Variants in ATP10D observed in about 807,000 individuals in gnomAD.
The protein encoded by ATP10D is ATPase phospholipid transporting 10D (putative).
A neutral mutation model predicts 144.8 loss-of-function variants in ATP10D; 89 were observed. That is an observed-to-expected ratio of 0.61 (90% confidence interval 0.52 to 0.73). The LOEUF is 0.73. Ranked by LOEUF, ATP10D falls within the 30% of genes least tolerant of loss-of-function variation. The pLI is 0.00. For missense variants in ATP10D, 1,603 were observed against 1,714.8 expected (o/e 0.93, Z 1.15); for synonymous variants, 571 against 615.1 (o/e 0.93, Z 1.06).
chr4:47,573,134 T>A, intron 18 of ATP10D, 137 bp downstream of exon 18: 2 of 1,109,264 alleles, frequency 1.8e-6, no homozygotes, highest in Non-Finnish European at 2.6e-6. Flanking sequence ...CTGGTCTTGC[T>A]GTCTTTCCAG....
intron 4 of ATP10D, 54 bp downstream of exon 4, chr4:47,523,270 A>AGCTCAGTCATCTT: frequency 2.1e-6 from 3 of 1,405,606 alleles, no homozygotes; most frequent in Non-Finnish European, 3.0e-6. Context: ...TCAGAAGATG[A>AGCTCAGTCATCTT]CTGAGCTCAT....
At chr4:47,582,167 A>G (rs1720552440) in intron 21 of ATP10D, 103 bp downstream of exon 21, 2 of 942,584 alleles carry the variant, frequency 2.1e-6, no homozygotes. Flanking sequence ...TGAGAAGAGT[A>G]ATGAATCTAT....
In ATP10D at chr4:47,568,993, C is replaced by T; in HGVS notation, c.3010C>T (p.Leu1004=). The change falls in exon 16 of 23, where the codon CTG becomes TTG. Residue 1004 remains leucine (L), a synonymous_variant. Transcript: ENST00000273859. ...TGGACTCATTATCACTGGGAAGACC[C>T]TGGAGTTTGCCCTGCAAGAAAGTCT... ...RAGLIITGKT[L]EFALQESLQK... 1 of 1,614,202 alleles carries T rather than the reference C, an allele frequency of 6.2e-7. No individual in the cohort carries two copies. Among genetic ancestry groups the T allele is most frequent in the Non-Finnish European group, 8.5e-7 (1 of 1,180,026 alleles).
chr4:47,566,137 A>C (rs1021882853), intron 15 of ATP10D, among the ~76,000 whole-genome samples: 1 of 152,238 alleles, frequency 6.6e-6, no homozygotes, highest in Non-Finnish European at 1.5e-5. Flanking sequence ...CATTCTAAGC[A>C]GGCAATGTGG....
In ATP10D at chr4:47,569,083, C is replaced by T. The variant is rs76283310; in HGVS notation, c.3100C>T (p.Leu1034=). Residue 1034 remains leucine (L), a synonymous_variant, in exon 16 of 23, where the codon CTG becomes TTG. Transcript: ENST00000273859. The part of the protein sequence containing the change: ...QAVVCCRATP[L]QKSEVVKLVR... ...TGTGGTCTGCTGCCGAGCCACACCGCTGCAGAAAAGTGAAGTGGTGAAATT... is the reference window on the plus strand; with the variant it reads ...TGTGGTCTGCTGCCGAGCCACACCGTTGCAGAAAAGTGAAGTGGTGAAATT... 14,006 of 1,614,220 alleles carry T rather than the reference C, an allele frequency of 8.7e-3. 94 individuals are homozygous for T. Among genetic ancestry groups the T allele is most frequent in the South Asian group, 0.017 (1,548 of 91,090 alleles).
At position 47,559,046 on chromosome 4, in the gene ATP10D, C is replaced by T. The variant is rs200423126; in HGVS notation, c.2541+17C>T. Reference sequence around the variant, plus strand: ...GCAAAGAAGGTGAGACTGCTTAGTGCGCTCCATCTTTTTTGTTTTTTCCCT... The same window carrying T: ...GCAAAGAAGGTGAGACTGCTTAGTGTGCTCCATCTTTTTTGTTTTTTCCCT... On this transcript the variant is annotated intron_variant, in intron 13 of 22. Coordinates refer to ENST00000273859, the MANE Select transcript of ATP10D (RefSeq NM_020453.4). 64 of 1,586,496 alleles carry T rather than the reference C, an allele frequency of 4.0e-5. No homozygotes were observed. The highest frequency in any genetic ancestry group is 1.9e-4 in the Admixed American group (11 of 58,772).
At chr4:47,540,680 AG>A (rs946770130) in intron 9 of ATP10D, among the ~76,000 whole-genome samples, 4 of 152,180 alleles carry the variant, frequency 2.6e-5, no homozygotes, top group Non-Finnish European at 5.9e-5. Context: ...ATTTGAGATA[AG>A]TAATGAACAA....
At chr4:47,488,845 T>C (rs1368826502) in intron 1 of ATP10D, among the ~76,000 whole-genome samples, 1 of 152,152 alleles carries the variant, frequency 6.6e-6, no homozygotes, top group African/African-American at 2.4e-5. Flanking sequence ...ATTAGTGCCC[T>C]CATAAAAGAG....
intron 10 of ATP10D, among the ~76,000 whole-genome samples, chr4:47,553,460 C>A (rs549359923): frequency 6.6e-6 from 1 of 152,274 alleles, no homozygotes; most frequent in South Asian, 2.1e-4. Context: ...AGTCTGGAAG[C>A]CAGGTGAGAC....
chr4:47,495,627 T>C (rs548344536), intron 1 of ATP10D, among the ~76,000 whole-genome samples: 1 of 152,350 alleles, frequency 6.6e-6, no homozygotes, highest in Admixed American at 6.5e-5. Flanking sequence ...CATGTTTATA[T>C]ATTGTATATA....
intron 22 of ATP10D, among the ~76,000 whole-genome samples, chr4:47,590,781 T>G (rs577117079): frequency 1.3e-5 from 2 of 152,238 alleles, no homozygotes; most frequent in South Asian, 4.1e-4. Flanking sequence ...ATATCTCTAC[T>G]TTTATAGATG....
At chr4:47,528,507 GTGTGTGTATATA>G (rs1157515839) in intron 5 of ATP10D, among the ~76,000 whole-genome samples, 10 of 32,696 alleles carry the variant, frequency 3.1e-4, no homozygotes, top group African/African-American at 8.5e-4. Flanking sequence ...GTGTGTGTGT[GTGTGTGTATATA>G]TATATATATA....
At chr4:47,523,456 A>G (rs1201753826) in intron 4 of ATP10D, among the ~76,000 whole-genome samples, 1 of 152,236 alleles carries the variant, frequency 6.6e-6, no homozygotes, top group Non-Finnish European at 1.5e-5. Context: ...TGAGAATGGA[A>G]TTAAAGGAAC....
chr4:47,573,049 G>C lies in ATP10D; in HGVS notation c.3366+52G>C, dbSNP rs1347851419. On this transcript the variant is annotated intron_variant, in intron 18 of 22. Transcript: ENST00000273859. Reference sequence around the variant, plus strand: ...TTTTCCCTTCGTACCTTCCAAGACTGTTGCATCAGGGATGAAGACGAAGTG... The same window carrying C: ...TTTTCCCTTCGTACCTTCCAAGACTCTTGCATCAGGGATGAAGACGAAGTG... 5.0e-6 allele frequency: 8 copies of C among 1,591,790 alleles called. No individual in the cohort carries two copies. The African/African-American group carries it at 1.1e-4, about 21-fold the overall frequency.
intron 1 of ATP10D, among the ~76,000 whole-genome samples, chr4:47,496,774 A>G (rs1023009372): frequency 6.6e-6 from 1 of 151,964 alleles, no homozygotes; most frequent in Non-Finnish European, 1.5e-5. Flanking sequence ...TTTTTTTCCA[A>G]CTGTGCTATT....
Position 47,593,179 on chromosome 4 carries a change from C to CAA in ATP10D, c.*1799_*1800dup, listed in dbSNP as rs1196271696. On this transcript the variant is annotated 3_prime_UTR_variant, in exon 23 of 23. Transcript: ENST00000273859. ...AATACTAAGGAAAAAGAACAATTTT[C>CAA]AATTTTCAGAAATGAATTATCTGTA... The CAA allele has an allele frequency of 6.6e-6, 1 of 151,994 alleles. No individual in the cohort carries two copies. Among genetic ancestry groups the CAA allele is most frequent in the Non-Finnish European group, 1.5e-5 (1 of 67,954 alleles). 9.4% of individuals were successfully genotyped at this position (151,994 alleles called of 1,614,324 possible).
At chr4:47,526,890 C>A (rs1717274948) in intron 5 of ATP10D, among the ~76,000 whole-genome samples, 1 of 152,070 alleles carries the variant, frequency 6.6e-6, no homozygotes, top group Non-Finnish European at 1.5e-5. Context: ...AGTTTCCCCC[C>A]AGATTTATCT....
Position 47,561,051 on chromosome 4 carries a change from T to C in ATP10D, c.2644T>C (p.Leu882=). 1 of 1,614,186 alleles carries C rather than the reference T, an allele frequency of 6.2e-7. No individual in the cohort carries two copies. The highest frequency in any genetic ancestry group is 1.6e-4 in the Middle Eastern group (1 of 6,062). The change falls in exon 14 of 23, where the codon TTG becomes CTG. Residue 882 remains leucine, a synonymous_variant. Transcript: ENST00000273859. ...EELLLESAMR[L]ENKLTLLGAT... is the part of the protein sequence containing the mutation. ...ATTACTACTTGAATCTGCCATGAGG[T>C]TGGAGAACAAACTTACATTACTTGG...
intron 16 of ATP10D, among the ~76,000 whole-genome samples, chr4:47,571,802 T>C (rs1267443585): frequency 6.6e-6 from 1 of 152,092 alleles, no homozygotes; most frequent in Non-Finnish European, 1.5e-5. Flanking sequence ...AAAATTGAAA[T>C]CCAGAAAAAT....
Sources: gnomAD v4.1 joint callset for allele counts (sites outside exome capture counted in the v4.1 genomes callset) on GRCh38, gnomAD v4.1.1 for gene constraint, MANE v1.5 for transcripts, NCBI Gene and HGNC (gene_info 2026-07-23, HGNC 2026-07-21) for gene names.